CFAP47: variants seen among roughly 807,000 people sequenced by gnomAD.
CFAP47 encodes cilia and flagella associated protein 47, also known as cilia- and flagella-associated protein 47.
CFAP47 carries 29 observed loss-of-function variants against 148.1 expected under a neutral mutation model. The ratio of observed to expected loss-of-function variants is 0.20; its 90% CI spans 0.15 to 0.27. The LOEUF (loss-of-function observed/expected upper bound fraction) is 0.27, where lower values mean the gene tolerates loss of function less well. CFAP47 is among the 10% of genes least tolerant of loss of function. The probability of loss-of-function intolerance (pLI) is 1.00; values close to 1 mark genes in which losing one functional copy is unlikely to be tolerated. For synonymous variants in CFAP47, 664 were observed against 577.3 expected (o/e 1.15, Z -2.15); for missense variants, 1,872 against 1,697.5 (o/e 1.10, Z -1.81).
chrX:36,119,227 T>C lies in CFAP47; in HGVS notation c.5320+14536T>C, dbSNP rs764555045. 2.3e-4 allele frequency among the ~76,000 whole-genome samples: 26 copies of C among 112,060 alleles called. No individual in the cohort carries two copies. In the East Asian group the frequency reaches 5.3e-3, roughly 23 times the overall value. On this transcript the variant is annotated intron_variant, in intron 33 of 63. Coordinates refer to ENST00000378653, the MANE Select transcript of CFAP47 (RefSeq NM_001304548.2). ...TCGGGTCTGTCATATGTAGCTGTTA[T>C]TATGTTATGTCCCTTCTATACTCAG...
At chrX:36,173,275 AG>A (rs1939613456) in intron 39 of CFAP47, among the ~76,000 whole-genome samples, 1 of 111,382 alleles carries the variant, frequency 9.0e-6, no homozygotes, top group Admixed American at 9.6e-5. Context: ...AATTTTTTGA[AG>A]GGTTTCTTTT....
intron 21 of CFAP47, among the ~76,000 whole-genome samples, chrX:36,003,796 A>G (rs1936944978): frequency 9.2e-6 from 1 of 108,909 alleles, no homozygotes; most frequent in Non-Finnish European, 1.9e-5. Context: ...AGAGAAAAAA[A>G]TAAAGGGCAT....
At chrX:36,103,686 T>C (rs768190373) in intron 32 of CFAP47, among the ~76,000 whole-genome samples, 2 of 109,346 alleles carry the variant, frequency 1.8e-5, no homozygotes, top group East Asian at 5.8e-4. Context: ...AAACCATCTA[T>C]TAAAGGTTTG....
intron 21 of CFAP47, among the ~76,000 whole-genome samples, chrX:36,004,954 T>A (rs1305585590): frequency 8.9e-6 from 1 of 111,766 alleles, no homozygotes; most frequent in East Asian, 2.8e-4. Flanking sequence ...GTTCTGTTTC[T>A]TCTTGAGAAA....
At chrX:36,176,742 A>T (rs1299438516) in intron 39 of CFAP47, among the ~76,000 whole-genome samples, 1 of 111,032 alleles carries the variant, frequency 9.0e-6, no homozygotes, top group African/African-American at 3.3e-5. Flanking sequence ...AGTCTCTACA[A>T]AAATTCAAAA....
At chrX:36,301,218 A>G in intron 53 of CFAP47, 39 bp downstream of exon 53, 1 of 738,160 alleles carries the variant, frequency 1.4e-6, no homozygotes, top group Non-Finnish European at 2.0e-6. Flanking sequence ...TGCTTGCAAG[A>G]AAAATAGTTA....
chrX:35,919,972 A>G lies in CFAP47; in HGVS notation c.173A>G (p.Tyr58Cys), dbSNP rs1601872463. 1 of 1,210,041 alleles carries G rather than the reference A, an allele frequency of 8.3e-7. No homozygotes were observed. The highest frequency in any genetic ancestry group is 1.1e-6 in the Non-Finnish European group (1 of 894,796). Reference protein sequence around the residue: ...KFLDTMAGRVYRLPITVHNIC... With the variant: ...KFLDTMAGRVCRLPITVHNIC... ...CTGGACACGATGGCCGGGAGGGTGT[A>G]CCGCCTCCCGATTACTGTGCATAAT... Residue 58 changes from tyrosine (Y) to cysteine (C), a missense_variant, in exon 1 of 64, where the codon TAC becomes TGC. By Grantham distance (194) the Tyr-to-Cys change is radical. Coordinates refer to ENST00000378653, the MANE Select transcript of CFAP47 (RefSeq NM_001304548.2).
intron 48 of CFAP47, among the ~76,000 whole-genome samples, chrX:36,243,437 C>T (rs1036412808): frequency 6.4e-5 from 7 of 108,593 alleles, no homozygotes; most frequent in Non-Finnish European, 1.1e-4. Flanking sequence ...TCAAGAGACC[C>T]GTCTCACATG....
intron 46 of CFAP47, among the ~76,000 whole-genome samples, chrX:36,230,423 T>C (rs1555992304): frequency 9.1e-6 from 1 of 109,440 alleles, no homozygotes; most frequent in Non-Finnish European, 1.9e-5. Flanking sequence ...GAGAAGTGTC[T>C]GTTCACGTCC....
chrX:36,162,786 T>G (rs1191426243), intron 39 of CFAP47, among the ~76,000 whole-genome samples: 1 of 111,821 alleles, frequency 8.9e-6, no homozygotes, highest in Non-Finnish European at 1.9e-5. Context: ...TTTTTTAATT[T>G]TATATTTGAT....
chrX:36,306,880 T>C lies in CFAP47; in HGVS notation c.8187+4T>C. 1.0e-6 allele frequency: 1 copy of C among 1,002,564 alleles called. No homozygotes were observed. Among genetic ancestry groups the C allele is most frequent in the Middle Eastern group, 2.6e-4 (1 of 3,837 alleles). The allele number at this position is 1,002,564 out of a possible 1,213,427, so 82.6% of individuals were successfully genotyped here. A position where few individuals can be genotyped will look rare whatever the true frequency, so the allele number is the denominator to read the frequency against. ...CATCAACTTCTACTGTACTCAGGTA[T>C]GATAGAGTATTCTTGGACCAAACCA... On this transcript the variant is annotated splice_donor_region_variant and intron_variant, in intron 55 of 63. Coordinates refer to ENST00000378653, the MANE Select transcript of CFAP47 (RefSeq NM_001304548.2).
At chrX:36,045,252 C>CA (rs1266802515) in intron 25 of CFAP47, among the ~76,000 whole-genome samples, 1 of 111,696 alleles carries the variant, frequency 9.0e-6, no homozygotes, top group East Asian at 2.8e-4. Context: ...CTCCTGTCCC[C>CA]AGTGTTTTGA....
chrX:36,251,510 CAAAT>C, intron 49 of CFAP47, 66 bp downstream of exon 49: 1 of 414,825 alleles, frequency 2.4e-6, no homozygotes, highest in Non-Finnish European at 4.2e-6. Flanking sequence ...TATGATGAGA[CAAAT>C]AGAAATGCAA....
At chrX:36,173,273 G>A (rs1387547700) in intron 39 of CFAP47, among the ~76,000 whole-genome samples, 38 of 111,254 alleles carry the variant, frequency 3.4e-4, no homozygotes, top group African/African-American at 1.0e-3. Flanking sequence ...TTAATTTTTT[G>A]AAGGGTTTCT....
At chrX:36,005,438 A>T (rs1936970662) in intron 21 of CFAP47, among the ~76,000 whole-genome samples, 1 of 112,019 alleles carries the variant, frequency 8.9e-6, no homozygotes, top group Non-Finnish European at 1.9e-5. Context: ...TTTTTCACCT[A>T]TTAGTTATTT....
intron 57 of CFAP47, among the ~76,000 whole-genome samples, chrX:36,321,575 A>G (rs1249323897): frequency 4.5e-5 from 5 of 111,975 alleles, no homozygotes; most frequent in Non-Finnish European, 7.5e-5. Context: ...GGTGATGGAT[A>G]TCTCATTTAC....
At chrX:36,133,806 A>G (rs956439207) in intron 33 of CFAP47, among the ~76,000 whole-genome samples, 1 of 109,501 alleles carries the variant, frequency 9.1e-6, no homozygotes, top group Non-Finnish European at 1.9e-5. Flanking sequence ...TTTAAAAAAA[A>G]AAAAGAAAAG....
Position 36,007,376 on chromosome X carries a change from A to G in CFAP47, c.3417+5669A>G, listed in dbSNP as rs181319152. Among the ~76,000 whole-genome samples the G allele has an allele frequency of 2.7e-5, 3 of 112,346 alleles. No homozygotes were observed. The East Asian group carries it at 8.4e-4, about 32-fold the overall frequency. On this transcript the variant is annotated intron_variant, in intron 21 of 63. Coordinates refer to ENST00000378653, the MANE Select transcript of CFAP47 (RefSeq NM_001304548.2). Reference sequence around the variant, plus strand: ...AATTCATAAACATGTCTGTCTACCAACACTGGACTGGGTACTGAAATCTGA... The same window carrying G: ...AATTCATAAACATGTCTGTCTACCAGCACTGGACTGGGTACTGAAATCTGA...
At chrX:36,300,065 T>C (rs1440605911) in intron 52 of CFAP47, among the ~76,000 whole-genome samples, 1 of 111,492 alleles carries the variant, frequency 9.0e-6, no homozygotes, top group Non-Finnish European at 1.9e-5. Flanking sequence ...TTTATCAGCA[T>C]ACATTAAAAA....
Sources: gnomAD v4.1 joint callset for allele counts (sites outside exome capture counted in the v4.1 genomes callset) on GRCh38, gnomAD v4.1.1 for gene constraint, MANE v1.5 for transcripts, NCBI Gene and HGNC (gene_info 2026-07-23, HGNC 2026-07-21) for gene names.